The following KIRREL1 variants were observed in gnomAD, a reference collection of about 807,000 sequenced individuals.
KIRREL1 encodes the protein kin of IRRE-like protein 1.
A neutral mutation model predicts 83.3 loss-of-function variants in KIRREL1; 25 were observed. That is an observed-to-expected ratio of 0.30 (90% CI 0.22 to 0.42). KIRREL1 has a LOEUF of 0.42. Ranked by LOEUF, KIRREL1 falls within the 10% of genes least tolerant of loss-of-function variation. KIRREL1 has a pLI of 1.00. For synonymous variants in KIRREL1, 388 were observed against 410.4 expected (o/e 0.95, Z 0.66); for missense variants, 812 against 1,032.3 (o/e 0.79, Z 2.92).
In KIRREL1 at chr1:158,093,422, T is replaced by G. The variant is rs750903228; in HGVS notation, c.1555T>G (p.Phe519Val). 42 of 1,614,092 alleles carry G rather than the reference T, an allele frequency of 2.6e-5. No individual in the cohort carries two copies. The Admixed American group carries it at 6.5e-4, about 25-fold the overall frequency. ...LIFFFIALVFFLYRRRKGSRK... is the reference protein window; with the variant it reads ...LIFFFIALVFVLYRRRKGSRK... ...CTTCTTCTTCATCGCCTTGGTATTC[T>G]TCCTCTACCGGCGCCGCAAAGGCAG... Residue 519 changes from phenylalanine to valine, a missense_variant, in exon 12 of 15, where the codon TTC becomes GTC. Coordinates refer to ENST00000359209, the MANE Select transcript of KIRREL1 (RefSeq NM_018240.7).
intron 8 of KIRREL1, 94 bp downstream of exon 8, chr1:158,088,548 G>A (rs537799562): frequency 1.4e-5 from 15 of 1,101,032 alleles, no homozygotes; most frequent in Middle Eastern, 3.0e-4. Context: ...GCAGTGGCGC[G>A]ATCTCGGCTC....
intron 1 of KIRREL1, among the ~76,000 whole-genome samples, chr1:158,040,124 A>G (rs756419019): frequency 6.6e-6 from 1 of 152,224 alleles, no homozygotes; most frequent in Non-Finnish European, 1.5e-5. Flanking sequence ...CTAGGGGCAT[A>G]ACATAATCCT....
intron 7 of KIRREL1, 27 bp downstream of exon 7, chr1:158,088,181 G>A (rs370191339): frequency 1.9e-6 from 3 of 1,614,138 alleles, no homozygotes; most frequent in Non-Finnish European, 1.7e-6. Context: ...GCAGGGACGG[G>A]GACAGAGAGC....
At chr1:158,058,204 C>T (rs1196391371) in intron 1 of KIRREL1, among the ~76,000 whole-genome samples, 1 of 152,118 alleles carries the variant, frequency 6.6e-6, no homozygotes, top group East Asian at 1.9e-4. Flanking sequence ...CCTGCACCAC[C>T]ACTGACTCAA....
intron 1 of KIRREL1, among the ~76,000 whole-genome samples, chr1:158,068,883 A>G (rs1661429784): frequency 6.6e-6 from 1 of 151,522 alleles, no homozygotes; most frequent in South Asian, 2.1e-4. Context: ...GTGTGGAGAG[A>G]TTTAGTTCCA....
intron 1 of KIRREL1, among the ~76,000 whole-genome samples, chr1:158,065,127 C>A (rs889237300): frequency 1.3e-5 from 2 of 152,044 alleles, no homozygotes; most frequent in African/African-American, 4.8e-5. Flanking sequence ...GGAGAGAATG[C>A]CCTCCTCACT....
chr1:158,052,418 A>G (rs1327793105), intron 1 of KIRREL1, among the ~76,000 whole-genome samples: 1 of 152,102 alleles, frequency 6.6e-6, no homozygotes, highest in Non-Finnish European at 1.5e-5. Context: ...TACTTTTATC[A>G]TTGTACCTTG....
At chr1:158,093,591 G>A (rs1410037187) in intron 12 of KIRREL1, 32 bp from the exon 13 acceptor site, 4 of 1,613,516 alleles carry the variant, frequency 2.5e-6, no homozygotes, top group Non-Finnish European at 3.4e-6. Context: ...CCAGCAGGAA[G>A]CACTTGTTCC....
intron 1 of KIRREL1, among the ~76,000 whole-genome samples, chr1:158,011,088 C>A (rs1659674537): frequency 6.6e-6 from 1 of 152,160 alleles, no homozygotes; most frequent in Non-Finnish European, 1.5e-5. Context: ...CGACAGCCTT[C>A]CTATGCAAGC....
At chr1:158,061,512 A>G (rs919780644) in intron 1 of KIRREL1, among the ~76,000 whole-genome samples, 3 of 152,118 alleles carry the variant, frequency 2.0e-5, no homozygotes, top group Non-Finnish European at 2.9e-5. Flanking sequence ...CTACACCTGG[A>G]TGTGGGGTAT....
Position 158,096,991 on chromosome 1 carries a change from T to C in KIRREL1, c.*1871T>C, listed in dbSNP as rs546438455. Reference sequence around the variant, plus strand: ...GGGGCGACATTCCTGGCCAACCCCTTGTAGGAAGGACCAGATAATACCCAG... The same window carrying C: ...GGGGCGACATTCCTGGCCAACCCCTCGTAGGAAGGACCAGATAATACCCAG... On this transcript the variant is annotated 3_prime_UTR_variant, in exon 15 of 15. Transcript: ENST00000359209. The C allele has an allele frequency of 2.2e-6, 1 of 456,880 alleles. No homozygotes were observed. Among genetic ancestry groups the C allele is most frequent in the Middle Eastern group, 3.2e-4 (1 of 3,080 alleles). 28.3% of individuals were successfully genotyped at this position (456,880 alleles called of 1,614,324 possible). A position where few individuals can be genotyped will look rare whatever the true frequency, so the allele number is the denominator to read the frequency against.
intron 1 of KIRREL1, among the ~76,000 whole-genome samples, chr1:158,004,247 A>T (rs2101625811): frequency 6.6e-6 from 1 of 152,378 alleles, no homozygotes; most frequent in Admixed American, 6.5e-5. Context: ...AATAAATTAT[A>T]GTTGTTATTA....
rs201175435 is a variant in KIRREL1 at position 158,093,811 on chromosome 1, G to A, written c.1719+49G>A. The A allele has an allele frequency of 1.8e-4, 286 of 1,604,764 alleles. No individual in the cohort carries two copies. The Middle Eastern group carries it at 3.5e-3, about 20-fold the overall frequency. On this transcript the variant is annotated intron_variant, in intron 13 of 14. Coordinates refer to ENST00000359209, the MANE Select transcript of KIRREL1 (RefSeq NM_018240.7). ...CCTCCTGCCTTCTCCACCCTCTGAG[G>A]ACCAGCTCCATCCCAGATCTCTAAT...
At chr1:158,076,303 C>A in intron 2 of KIRREL1, 41 bp downstream of exon 2, 3 of 1,588,778 alleles carry the variant, frequency 1.9e-6, no homozygotes, top group Non-Finnish European at 2.6e-6. Flanking sequence ...GTCCCATCTT[C>A]TCCGCCATTC....
At chr1:158,074,470 A>G (rs538499374) in intron 1 of KIRREL1, among the ~76,000 whole-genome samples, 1 of 152,314 alleles carries the variant, frequency 6.6e-6, no homozygotes, top group Admixed American at 6.5e-5. Flanking sequence ...CCTCTGCCTT[A>G]GAGGAGATGT....
chr1:158,013,722 C>T (rs1659749543), intron 1 of KIRREL1, among the ~76,000 whole-genome samples: 1 of 152,196 alleles, frequency 6.6e-6, no homozygotes, highest in Non-Finnish European at 1.5e-5. Context: ...GGTGTGTGTA[C>T]ACCTCCCGCC....
chr1:158,064,966 G>A (rs1661321294), intron 1 of KIRREL1, among the ~76,000 whole-genome samples: 3 of 148,312 alleles, frequency 2.0e-5, no homozygotes, highest in South Asian at 4.3e-4. Flanking sequence ...TTTGAAGTGG[G>A]AAAGAGGGGC....
chr1:158,009,102 G>A (rs1445924555), intron 1 of KIRREL1, among the ~76,000 whole-genome samples: 1 of 152,162 alleles, frequency 6.6e-6, no homozygotes, highest in Non-Finnish European at 1.5e-5. Flanking sequence ...TGGACACACA[G>A]TTGGACCAGG....
chr1:158,069,339 TGTGTGA>T lies in KIRREL1; in HGVS notation c.53-6773_53-6768del, dbSNP rs373313865. ...GTGTGTGTGTGTGTGTGTGTGTGTG[TGTGTGA>T]ATCTAAGCATTTCCAGCCCCTCTAG... On this transcript the variant is annotated intron_variant, in intron 1 of 14. Transcript: ENST00000359209. 5.3e-4 allele frequency among the ~76,000 whole-genome samples: 72 copies of T among 136,986 alleles called. 1 individual carries two copies. Among genetic ancestry groups the T allele is most frequent in the African/African-American group, 1.4e-3 (53 of 38,252 alleles). The allele number at this position is 136,986 out of a possible 152,430, so 89.9% of individuals were successfully genotyped here.
Sources: gnomAD v4.1 joint callset for allele counts (sites outside exome capture counted in the v4.1 genomes callset) on GRCh38, gnomAD v4.1.1 for gene constraint, MANE v1.5 for transcripts, NCBI Gene and HGNC (gene_info 2026-07-23, HGNC 2026-07-21) for gene names.